The following SKIC8 variants were observed in gnomAD, a reference collection of about 807,000 sequenced individuals.
The protein encoded by SKIC8 is superkiller complex protein 8.
At chr15:78,295,781 A>G in the SKIC8 span, 3 of 1,413,610 alleles carry the variant, frequency 2.1e-6, no homozygotes. Context: ...TAGAAGGCAC[A>G]CAGGAAGTTC....
chr15:78,284,899 C>A, the SKIC8 span: 1 of 227,278 alleles, frequency 4.4e-6, no homozygotes, highest in South Asian at 1.3e-4. Context: ...AATGGAATCT[C>A]CTGAAGAGGA....
At chr15:78,291,087 CTCT>C in the SKIC8 span, 1 of 152,132 alleles carries the variant, frequency 6.6e-6, no homozygotes, top group Non-Finnish European at 1.5e-5. Context: ...CACACCTGGC[CTCT>C]TCTTTTTCTT....
the SKIC8 span, chr15:78,293,119 C>T: frequency 6.4e-7 from 1 of 1,560,404 alleles, no homozygotes; most frequent in Non-Finnish European, 8.8e-7. Flanking sequence ...GAAGCAAAAC[C>T]TCAGCCCCCA....
the SKIC8 span, chr15:78,283,438 T>G: frequency 2.5e-6 from 4 of 1,613,206 alleles, no homozygotes; most frequent in Non-Finnish European, 3.4e-6. Flanking sequence ...ATGTTTAAAT[T>G]GGACAATCAT....
the SKIC8 span, chr15:78,285,510 C>T: frequency 3.3e-6 from 2 of 613,144 alleles, no homozygotes; most frequent in Non-Finnish European, 5.8e-6. Context: ...ACAGGGTAGC[C>T]ATTTTCCTGA....
chr15:78,287,634 C>G, the SKIC8 span, among the ~76,000 whole-genome samples: 2 of 152,008 alleles, frequency 1.3e-5, no homozygotes, highest in African/African-American at 4.8e-5. Flanking sequence ...ACCATAGCAC[C>G]GAGTCATAGT....
At chr15:78,289,425 CAAACAAAA>C in the SKIC8 span, among the ~76,000 whole-genome samples, 51 of 151,908 alleles carry the variant, frequency 3.4e-4, no homozygotes, top group South Asian at 6.3e-4. Context: ...AACAAACAAA[CAAACAAAA>C]AAACAAAAAA....
the SKIC8 span, chr15:78,285,600 G>A: frequency 7.5e-5 from 41 of 545,602 alleles, no homozygotes; most frequent in Non-Finnish European, 1.2e-4. Flanking sequence ...ATGGGAGGGA[G>A]GCCTGTTAAA....
At chr15:78,285,756 T>G in the SKIC8 span, 1 of 440,974 alleles carries the variant, frequency 2.3e-6, no homozygotes, top group Non-Finnish European at 4.0e-6. Context: ...CATTTACATA[T>G]TTTAAGTTAC....
the SKIC8 span, chr15:78,285,067 G>T: frequency 1.7e-6 from 1 of 575,188 alleles, no homozygotes. Context: ...TAGGCTGACA[G>T]CACATCCCAG....
chr15:78,293,630 A>G, the SKIC8 span, among the ~76,000 whole-genome samples: 1 of 152,238 alleles, frequency 6.6e-6, no homozygotes, highest in Non-Finnish European at 1.5e-5. Flanking sequence ...GAAAAGGCCT[A>G]AACCCGGTAA....
At chr15:78,288,370 G>A in the SKIC8 span, 7 of 1,613,596 alleles carry the variant, frequency 4.3e-6, no homozygotes, top group African/African-American at 1.3e-5. Flanking sequence ...GGAGCGAATG[G>A]GCATGGCATG....
At chr15:78,291,564 C>A in the SKIC8 span, among the ~76,000 whole-genome samples, 467 of 152,252 alleles carry the variant, frequency 3.1e-3, no homozygotes, top group African/African-American at 0.011. Context: ...ACTGGGCAGG[C>A]ATATTCTTAA....
chr15:78,292,540 AAC>A, the SKIC8 span: 1 of 1,594,814 alleles, frequency 6.3e-7, no homozygotes, highest in Admixed American at 1.7e-5. Context: ...TGAGCTGTAA[AAC>A]ACATTCTATC....
chr15:78,285,882 G>A, the SKIC8 span: 53 of 553,714 alleles, frequency 9.6e-5, no homozygotes, highest in Admixed American at 3.8e-4. Flanking sequence ...TCCAGCTAAG[G>A]TCAACTAACA....
At chr15:78,294,900 A>G in the SKIC8 span, 21 of 1,613,412 alleles carry the variant, frequency 1.3e-5, 1 homozygote, top group Non-Finnish European at 1.5e-5. Context: ...CAGGGACAAC[A>G]CAGTTTTTTT....
chr15:78,285,603 C>T, the SKIC8 span: 10 of 542,336 alleles, frequency 1.8e-5, no homozygotes, highest in East Asian at 3.1e-4. Flanking sequence ...GGAGGGAGGC[C>T]TGTTAAAGCT....
the SKIC8 span, chr15:78,292,739 C>A: frequency 6.2e-7 from 1 of 1,614,170 alleles, no homozygotes; most frequent in Non-Finnish European, 8.5e-7. Flanking sequence ...GACACCACTC[C>A]CAGCTGATGT....
At chr15:78,293,594 C>T in the SKIC8 span, among the ~76,000 whole-genome samples, 1 of 152,118 alleles carries the variant, frequency 6.6e-6, no homozygotes, top group Non-Finnish European at 1.5e-5. Flanking sequence ...CAAGTAAAAC[C>T]AGTGGGGAAG....
Sources: gnomAD v4.1 joint callset for allele counts (sites outside exome capture counted in the v4.1 genomes callset) on GRCh38, gnomAD v4.1.1 for gene constraint, MANE v1.5 for transcripts, NCBI Gene and HGNC (gene_info 2026-07-23, HGNC 2026-07-21) for gene names.